Variants in RAB13 observed in about 807,000 individuals in gnomAD.
RAB13 encodes RAB13, member RAS oncogene family.
A neutral mutation model predicts 29.3 loss-of-function variants in RAB13; 15 were observed. The observed-to-expected ratio is 0.51, with a 90% CI of 0.34 to 0.79. RAB13 has a LOEUF of 0.79. Ranked by LOEUF, RAB13 falls within the 30% of genes least tolerant of loss-of-function variation. RAB13 has a pLI of 0.01. For synonymous variants in RAB13, 82 were observed against 93.8 expected (o/e 0.87, Z 0.73); for missense variants, 186 against 255.5 (o/e 0.73, Z 1.85).
At chr1:153,986,476 C>T (rs111939539), upstream of RAB13, 3,017 of 519,460 alleles carry the variant, frequency 5.8e-3, 74 homozygotes, top group African/African-American at 0.052. Context: ...TTTTCCCTTC[C>T]TAGCTTAGGC....
chr1:153,987,688 C>T (rs1649219267), upstream of RAB13, among the ~76,000 whole-genome samples: 1 of 149,182 alleles, frequency 6.7e-6, no homozygotes, highest in Non-Finnish European at 1.5e-5. Context: ...ACTTGTAATC[C>T]CAGCACTTTG....
At chr1:153,990,596 C>G (rs1022699609), upstream of RAB13, among the ~76,000 whole-genome samples, 3 of 152,180 alleles carry the variant, frequency 2.0e-5, no homozygotes, top group Non-Finnish European at 4.4e-5. Context: ...AACATGGTGA[C>G]GCATATGTGT....
At chr1:153,987,387 G>A (rs1649202070), upstream of RAB13, among the ~76,000 whole-genome samples, 1 of 152,060 alleles carries the variant, frequency 6.6e-6, no homozygotes, top group African/African-American at 2.4e-5. Context: ...GTGGTGGCAG[G>A]CGACTGTAGT....
Position 153,982,458 on chromosome 1 carries a change from C to T in RAB13, c.481-14G>A, listed in dbSNP as rs1459948166. On this transcript the variant is annotated splice_polypyrimidine_tract_variant and intron_variant, in intron 6 of 7. Transcript: ENST00000368575. ...GGAACTAAAAGCCTAAAGTGGGGAACAGAGTCAGTTTGGAGGGAGGAGAAT... is the reference window on the plus strand; with the variant it reads ...GGAACTAAAAGCCTAAAGTGGGGAATAGAGTCAGTTTGGAGGGAGGAGAAT... 6.2e-7 allele frequency: 1 copy of T among 1,613,328 alleles called. No homozygotes were observed. Among genetic ancestry groups the T allele is most frequent in the Non-Finnish European group, 8.5e-7 (1 of 1,179,278 alleles).
intron 3 of RAB13, 106 bp downstream of exon 3, chr1:153,983,415 C>T: frequency 6.8e-7 from 1 of 1,470,770 alleles, no homozygotes; most frequent in African/African-American, 1.4e-5. Flanking sequence ...CTGCAACCCA[C>T]ACTGCACCCC....
At chr1:153,984,177 CAAAA>C (rs751964337) in intron 2 of RAB13, among the ~76,000 whole-genome samples, 36 of 74,494 alleles carry the variant, frequency 4.8e-4, no homozygotes, top group African/African-American at 1.7e-3. Context: ...AACTCTGTCT[CAAAA>C]AAAAAAAAAA....
chr1:153,989,440 G>A (rs1490915206), upstream of RAB13, among the ~76,000 whole-genome samples: 1 of 149,780 alleles, frequency 6.7e-6, no homozygotes, highest in Non-Finnish European at 1.5e-5. Flanking sequence ...TAGTAGAGGC[G>A]GGGTTTCACC....
chr1:153,982,604 T>C lies in RAB13; in HGVS notation c.415-4A>G. The C allele has an allele frequency of 6.2e-7, 1 of 1,613,374 alleles. No individual in the cohort carries two copies. On this transcript the variant is annotated splice_polypyrimidine_tract_variant and splice_region_variant and intron_variant, in intron 5 of 7. Transcript: ENST00000368575. Reference sequence around the variant, plus strand: ...GGATTCCATGCTCTCGAGCCAACTATAAGGGGTGAAGTGGGAAGAGAATTG... The same window carrying C: ...GGATTCCATGCTCTCGAGCCAACTACAAGGGGTGAAGTGGGAAGAGAATTG...
chr1:153,990,082 A>C (rs1019846961), upstream of RAB13, among the ~76,000 whole-genome samples: 3 of 151,466 alleles, frequency 2.0e-5, no homozygotes, highest in Admixed American at 2.0e-4. Flanking sequence ...TCCCCTGTTT[A>C]TTTATTTATT....
chr1:153,989,228 G>A (rs1035679458), upstream of RAB13, among the ~76,000 whole-genome samples: 1 of 144,322 alleles, frequency 6.9e-6, no homozygotes, highest in Non-Finnish European at 1.5e-5. Flanking sequence ...CACCGCGACC[G>A]GCAAAGAAAA....
intron 2 of RAB13, among the ~76,000 whole-genome samples, 190 bp from the exon 3 acceptor site, chr1:153,983,771 T>C (rs752335863): frequency 6.6e-6 from 1 of 152,186 alleles, no homozygotes; most frequent in Non-Finnish European, 1.5e-5. Context: ...AGAAACAAGA[T>C]GTCTTTGCTT....
intron 1 of RAB13, 55 bp downstream of exon 1, chr1:153,986,058 C>A: frequency 6.2e-7 from 1 of 1,607,122 alleles, no homozygotes; most frequent in Non-Finnish European, 8.5e-7. Context: ...AATCCGGGAG[C>A]CGGAGAAGGA....
rs118189503 is a variant in RAB13, at chr1:153,982,517, T to G, written c.480+18A>C. 3.7e-6 allele frequency: 6 copies of G among 1,610,694 alleles called. No individual in the cohort carries two copies. Among genetic ancestry groups the G allele is most frequent in the Non-Finnish European group, 5.1e-6 (6 of 1,176,926 alleles). On this transcript the variant is annotated intron_variant, in intron 6 of 7. Coordinates refer to ENST00000368575, the MANE Select transcript of RAB13 (RefSeq NM_002870.5). ...TAATACTTCCTCTCTTGGTCGGGGA[T>G]GGGGGTGTGGATCTCACCTCATCCA...
At chr1:153,984,573 G>A in intron 2 of RAB13, 148 bp downstream of exon 2, 1 of 682,924 alleles carries the variant, frequency 1.5e-6, no homozygotes, top group Non-Finnish European at 2.5e-6. Context: ...GGACAGCTGA[G>A]TGCATCCGGA....
upstream of RAB13, among the ~76,000 whole-genome samples, chr1:153,989,392 G>A (rs879841327): frequency 6.6e-6 from 1 of 151,226 alleles, no homozygotes. Flanking sequence ...TGGGACTACA[G>A]GCGCCCGCCA....
upstream of RAB13, among the ~76,000 whole-genome samples, chr1:153,986,909 C>T (rs941720971): frequency 6.6e-6 from 1 of 152,166 alleles, no homozygotes; most frequent in African/African-American, 2.4e-5. Context: ...AGTCTGCCCC[C>T]TGGTGGAACA....
In RAB13 at chr1:153,983,290, T is replaced by C; in HGVS notation, c.253A>G (p.Ile85Val). The C allele has an allele frequency of 2.5e-6, 4 of 1,613,818 alleles. No homozygotes were observed. Among genetic ancestry groups the C allele is most frequent in the East Asian group, 4.5e-5 (2 of 44,882 alleles). Residue 85 changes from isoleucine (I) to valine (V), a missense_variant, in exon 4 of 8, where the codon ATC (isoleucine) becomes GTC (valine). Transcript: ENST00000368575. Reference sequence around the variant, plus strand: ...TCATCCGTGATGTCGTATACTAGGATAATGCCCTGGGAGATGACAAAATTC... The same window carrying C: ...TCATCCGTGATGTCGTATACTAGGACAATGCCCTGGGAGATGACAAAATTC... ...TAYYRGAMGIILVYDITDEKS... is the reference protein window; with the variant it reads ...TAYYRGAMGIVLVYDITDEKS...
At chr1:153,982,655 T>G (rs562321650) in intron 5 of RAB13, 55 bp from the exon 6 acceptor site, 1 of 1,610,516 alleles carries the variant, frequency 6.2e-7, no homozygotes, top group African/African-American at 1.3e-5. Context: ...CCAAGTCCTC[T>G]GCAATGCAAC....
upstream of RAB13, among the ~76,000 whole-genome samples, chr1:153,988,909 A>G (rs1257955911): frequency 6.9e-6 from 1 of 145,598 alleles, no homozygotes; most frequent in African/African-American, 2.5e-5. Flanking sequence ...ACTGCGCCCA[A>G]CCTTTGTTTT....
Sources: allele counts gnomAD v4.1 joint callset (sites outside exome capture counted in the v4.1 genomes callset), GRCh38; gene constraint gnomAD v4.1.1; transcripts MANE v1.5; gene names NCBI Gene and HGNC (gene_info 2026-07-23, HGNC 2026-07-21).